CLASP1: variants seen among roughly 807,000 people sequenced by gnomAD.
The protein encoded by CLASP1 is CLIP-associating protein 1.
Under a neutral mutation model 192.3 loss-of-function variants are expected in CLASP1, and 38 were observed. That is an observed-to-expected ratio of 0.20 (90% CI 0.15 to 0.26). CLASP1 has a LOEUF of 0.26. Among genes scored for constraint, CLASP1 ranks in the 10% least tolerant of loss-of-function variants. CLASP1 has a pLI of 1.00. For synonymous variants in CLASP1, 691 were observed against 712.8 expected (o/e 0.97, Z 0.49); for missense variants, 1,433 against 1,932.5 (o/e 0.74, Z 4.85).
At chr2:121,401,235 T>C (rs1244029775) in intron 28 of CLASP1, among the ~76,000 whole-genome samples, 1 of 152,244 alleles carries the variant, frequency 6.6e-6, no homozygotes, top group African/African-American at 2.4e-5. Flanking sequence ...AAATGTTTTT[T>C]AATGAGAAGA....
intron 24 of CLASP1, among the ~76,000 whole-genome samples, chr2:121,409,588 C>T (rs1397375743): frequency 6.6e-6 from 1 of 152,174 alleles, no homozygotes; most frequent in African/African-American, 2.4e-5. Context: ...TACACACAGT[C>T]CCTTATGCAG....
At chr2:121,579,143 A>T (rs1266575309) in intron 2 of CLASP1, among the ~76,000 whole-genome samples, 7 of 152,158 alleles carry the variant, frequency 4.6e-5, no homozygotes, top group Non-Finnish European at 8.8e-5. Context: ...TCATTTATTC[A>T]TATGGTTTTT....
At chr2:121,492,556 C>T (rs1171344812) in intron 8 of CLASP1, among the ~76,000 whole-genome samples, 1 of 151,168 alleles carries the variant, frequency 6.6e-6, no homozygotes, top group African/African-American at 2.4e-5. Flanking sequence ...CGTAGATCAA[C>T]AAATGGCCAG....
chr2:121,517,110 G>A (rs1336784567), intron 6 of CLASP1, among the ~76,000 whole-genome samples: 1 of 152,192 alleles, frequency 6.6e-6, no homozygotes, highest in Non-Finnish European at 1.5e-5. Flanking sequence ...ATGTATGTGT[G>A]TACACAGAGA....
chr2:121,471,231 AG>A (rs2090662763), intron 8 of CLASP1, among the ~76,000 whole-genome samples: 1 of 152,220 alleles, frequency 6.6e-6, no homozygotes, highest in African/African-American at 2.4e-5. Context: ...GCAGTGAGCC[AG>A]GGTCACTCCA....
At chr2:121,637,580 C>T (rs1207791281) in intron 1 of CLASP1, among the ~76,000 whole-genome samples, 3 of 152,048 alleles carry the variant, frequency 2.0e-5, no homozygotes, top group African/African-American at 7.2e-5. Flanking sequence ...AACATAAACA[C>T]AAAGCTTAAA....
chr2:121,449,189 T>C (rs1180276468), intron 16 of CLASP1, 69 bp from the exon 17 acceptor site: 3 of 1,376,268 alleles, frequency 2.2e-6, no homozygotes, highest in Non-Finnish European at 3.0e-6. Context: ...AACTCTGGAG[T>C]ACACCACAGA....
rs111756154 is a variant in CLASP1, at chr2:121,530,617, C to A, written c.196-292G>T. On this transcript the variant is annotated intron_variant, in intron 2 of 39. Coordinates refer to ENST00000263710, the Ensembl canonical transcript of CLASP1. ...GGAGTTCAAGAGCGCGCCGCGGTCC[C>A]GCCCCCGCCAGCCCCGCCCCGGCGA... The A allele has an allele frequency of 0.046, 24,152 of 530,590 alleles. 731 individuals are homozygous for A. Among genetic ancestry groups the A allele is most frequent in the East Asian group, 0.12 (4,085 of 34,370 alleles). The allele number at this position is 530,590 out of a possible 1,614,324, so 32.9% of individuals were successfully genotyped here.
intron 9 of CLASP1, 54 bp downstream of exon 9, chr2:121,469,754 G>T: frequency 6.5e-7 from 1 of 1,546,500 alleles, no homozygotes. Flanking sequence ...TGCACCTCTG[G>T]TTTGAAAAGC....
chr2:121,516,150 A>C (rs985659094), intron 6 of CLASP1, among the ~76,000 whole-genome samples: 2 of 152,260 alleles, frequency 1.3e-5, no homozygotes, highest in Non-Finnish European at 2.9e-5. Context: ...TAAGTCAATT[A>C]AACAAATACT....
intron 2 of CLASP1, among the ~76,000 whole-genome samples, chr2:121,573,745 T>G (rs1426126540): frequency 2.0e-5 from 3 of 152,198 alleles, no homozygotes; most frequent in Non-Finnish European, 2.9e-5. Context: ...TTTGGGAAAC[T>G]GGGCATTTAT....
chr2:121,533,872 T>C (rs959461104), intron 2 of CLASP1, among the ~76,000 whole-genome samples: 9 of 152,244 alleles, frequency 5.9e-5, no homozygotes, highest in African/African-American at 1.2e-4. Flanking sequence ...CCCTACTGTA[T>C]TGATGTGAAT....
intron 19 of CLASP1, among the ~76,000 whole-genome samples, chr2:121,435,624 T>C (rs2082171130): frequency 6.6e-6 from 1 of 152,220 alleles, no homozygotes; most frequent in Non-Finnish European, 1.5e-5. Flanking sequence ...TCATTTTCCT[T>C]TTATCCTCTC....
chr2:121,445,500 G>T, intron 19 of CLASP1: 1 of 1,288,352 alleles, frequency 7.8e-7, no homozygotes, highest in Non-Finnish European at 1.0e-6. Flanking sequence ...CTGGACTCTA[G>T]AAGTTTGGAA....
chr2:121,607,665 T>C (rs2064623502), intron 1 of CLASP1, among the ~76,000 whole-genome samples: 2 of 152,316 alleles, frequency 1.3e-5, no homozygotes, highest in South Asian at 4.1e-4. Context: ...AGTACCTCCC[T>C]GATACTGTGC....
At chr2:121,525,791 A>T (rs1362294842) in intron 6 of CLASP1, 54 bp downstream of exon 6, 1 of 1,264,264 alleles carries the variant, frequency 7.9e-7, no homozygotes, top group Admixed American at 1.8e-5. Context: ...ACCAGAATGC[A>T]TCTCAACAGT....
intron 2 of CLASP1, among the ~76,000 whole-genome samples, chr2:121,590,952 C>T (rs1266007037): frequency 6.6e-6 from 1 of 151,122 alleles, no homozygotes; most frequent in South Asian, 2.1e-4. Flanking sequence ...ACTGCAACCT[C>T]CGCCTCCCGG....
At chr2:121,393,589 T>C (rs188064300) in intron 30 of CLASP1, among the ~76,000 whole-genome samples, 1 of 152,308 alleles carries the variant, frequency 6.6e-6, no homozygotes, top group Non-Finnish European at 1.5e-5. Context: ...TGACAGTGCT[T>C]CAAGAACGTC....
intron 23 of CLASP1, among the ~76,000 whole-genome samples, chr2:121,416,022 G>C (rs146148850): frequency 2.0e-5 from 3 of 152,154 alleles, no homozygotes; most frequent in Non-Finnish European, 4.4e-5. Context: ...TAAGGAAGTT[G>C]GTAAAATATC....
Sources: gnomAD v4.1 joint callset for allele counts (sites outside exome capture counted in the v4.1 genomes callset) on GRCh38, gnomAD v4.1.1 for gene constraint, MANE v1.5 for transcripts, NCBI Gene and HGNC (gene_info 2026-07-23, HGNC 2026-07-21) for gene names.